The following NF1 variants were observed in gnomAD, a reference collection of about 807,000 sequenced individuals.
The protein encoded by NF1 is neurofibromin.
NF1 carries 122 observed loss-of-function variants against 325.7 expected under a neutral mutation model. The observed-to-expected ratio is 0.37, with a 90% CI of 0.32 to 0.44. The LOEUF is 0.44. Ranked by LOEUF, NF1 falls within the 20% of genes least tolerant of loss-of-function variation. NF1 has a pLI of 1.00. For synonymous variants in NF1, 1,091 were observed against 1,186.0 expected (o/e 0.92, Z 1.65); for missense variants, 2,140 against 3,415.4 (o/e 0.63, Z 9.31).
intron 36 of NF1, among the ~76,000 whole-genome samples, chr17:31,322,356 T>A (rs2069224255): frequency 6.6e-6 from 1 of 151,572 alleles, no homozygotes. Context: ...AGCATGCACC[T>A]GTAGTCCCAC....
chr17:31,252,394 C>T (rs1391171025), intron 30 of NF1: 1 of 197,434 alleles, frequency 5.1e-6, no homozygotes, highest in Non-Finnish European at 1.0e-5. Flanking sequence ...AGAGAGAGGT[C>T]TTTAATTCAG....
chr17:31,331,925 A>T (rs1296598132), intron 39 of NF1: 4 of 145,936 alleles, frequency 2.7e-5, no homozygotes, highest in East Asian at 1.9e-4. Flanking sequence ...AAAAAAAAAA[A>T]AAAAAAAAAA....
intron 1 of NF1, among the ~76,000 whole-genome samples, chr17:31,102,928 C>T (rs555252979): frequency 6.6e-6 from 1 of 152,026 alleles, no homozygotes; most frequent in South Asian, 2.1e-4. Context: ...TCACTGCAAG[C>T]TCCACCTTCT....
intron 51 of NF1, 98 bp downstream of exon 51, chr17:31,352,512 T>G: frequency 8.0e-7 from 1 of 1,256,196 alleles, no homozygotes; most frequent in Non-Finnish European, 1.1e-6. Flanking sequence ...TTATCAAAAT[T>G]TTCCATGTCA....
chr17:31,309,985 C>T (rs1286630074), intron 36 of NF1, among the ~76,000 whole-genome samples: 1 of 152,096 alleles, frequency 6.6e-6, no homozygotes, highest in East Asian at 1.9e-4. Context: ...GATGGCAATT[C>T]AGTGTAGTCC....
rs137921422 is a variant in NF1, at chr17:31,186,250, G to C, written c.888+3585G>C. ...TTCTCTCTCCCCACCTATACTGATAGCCTCATAGGGAGTTCCCTATGATCA... is the reference window on the plus strand; with the variant it reads ...TTCTCTCTCCCCACCTATACTGATACCCTCATAGGGAGTTCCCTATGATCA... On this transcript the variant is annotated intron_variant, in intron 8 of 57. Transcript: ENST00000358273. Among the ~76,000 whole-genome samples, 482 of 152,256 alleles carry C rather than the reference G, an allele frequency of 3.2e-3. 8 individuals carry two copies. The highest frequency in any genetic ancestry group is 0.011 in the African/African-American group (453 of 41,540).
intron 36 of NF1, among the ~76,000 whole-genome samples, chr17:31,281,721 TA>T (rs35154893): frequency 4.2e-4 from 62 of 147,470 alleles, no homozygotes; most frequent in African/African-American, 6.7e-4. Flanking sequence ...TAGGCAAGTT[TA>T]AAAAAAAAAA....
chr17:31,157,399 T>A (rs1392845157), intron 2 of NF1, among the ~76,000 whole-genome samples: 2 of 152,178 alleles, frequency 1.3e-5, no homozygotes, highest in Non-Finnish European at 2.9e-5. Flanking sequence ...GTCCTTAGGT[T>A]TATTAGATAA....
At chr17:31,259,921 C>T (rs1180817449) in intron 33 of NF1, among the ~76,000 whole-genome samples, 3 of 152,128 alleles carry the variant, frequency 2.0e-5, no homozygotes, top group African/African-American at 7.2e-5. Context: ...AGGTATATTG[C>T]TGAATGACAA....
At chr17:31,146,845 G>T (rs552902346) in intron 1 of NF1, among the ~76,000 whole-genome samples, 10 of 152,318 alleles carry the variant, frequency 6.6e-5, no homozygotes, top group African/African-American at 2.4e-4. Context: ...GTCATTTGAT[G>T]TGGGTTATCT....
At chr17:31,130,074 G>GTTTTTT (rs201697638) in intron 1 of NF1, among the ~76,000 whole-genome samples, 20 of 129,342 alleles carry the variant, frequency 1.5e-4, no homozygotes, top group African/African-American at 2.9e-4. Flanking sequence ...TGAAGTCGCT[G>GTTTTTT]TTTTTTTTTG....
At chr17:31,118,333 G>A (rs949471918) in intron 1 of NF1, among the ~76,000 whole-genome samples, 2 of 151,546 alleles carry the variant, frequency 1.3e-5, no homozygotes, top group African/African-American at 4.9e-5. Flanking sequence ...GGATACACGT[G>A]CAGAATGTGC....
intron 29 of NF1, among the ~76,000 whole-genome samples, chr17:31,236,802 A>G (rs778365247): frequency 2.0e-5 from 3 of 152,006 alleles, no homozygotes; most frequent in African/African-American, 4.8e-5. Flanking sequence ...GCTTGTTACC[A>G]GGTACTACCC....
Position 31,357,027 on chromosome 17 carries a change from T to C in NF1, c.7806T>C (p.Asn2602=), listed in dbSNP as rs2070288476. The C allele has an allele frequency of 6.2e-7, 1 of 1,614,024 alleles. No homozygotes were observed. The highest frequency in any genetic ancestry group is 1.1e-5 in the South Asian group (1 of 91,084). The change falls in exon 53 of 58, where the codon AAT becomes AAC. Residue 2602 remains asparagine, a synonymous_variant. Coordinates refer to ENST00000358273, the MANE Select transcript of NF1 (RefSeq NM_001042492.3). ...GTAAAGTTTCAGTGTCTGAATCAAA[T>C]GTTCTCTTGGATGAAGAAGTACTTA... is the stretch of plus-strand genomic sequence containing the variant. ...HLRKVSVSES[N]VLLDEEVLTD...
At chr17:31,372,703 T>C (rs2070667101) in intron 57 of NF1, among the ~76,000 whole-genome samples, 1 of 152,202 alleles carries the variant, frequency 6.6e-6, no homozygotes, top group Non-Finnish European at 1.5e-5. Context: ...TTTCTGAAGT[T>C]ACTGCTTAGA....
chr17:31,300,405 T>A (rs1288829716), intron 36 of NF1, among the ~76,000 whole-genome samples: 1 of 152,128 alleles, frequency 6.6e-6, no homozygotes, highest in Non-Finnish European at 1.5e-5. Context: ...AGGTGACATA[T>A]ATACATACTG....
At chr17:31,357,203 C>T (rs2070293762) in intron 53 of NF1, 66 bp from the exon 54 acceptor site, 2 of 1,592,558 alleles carry the variant, frequency 1.3e-6, no homozygotes, top group Non-Finnish European at 1.7e-6. Context: ...TACTTCTCAC[C>T]CAAACAGATA....
chr17:31,251,051 T>C (rs1449799827), intron 30 of NF1: 2 of 195,368 alleles, frequency 1.0e-5, no homozygotes, highest in Non-Finnish European at 1.1e-5. Flanking sequence ...TAACAGGGAA[T>C]GTTACATTTA....
rs17879935 is a variant in NF1, at chr17:31,182,338, T to TAA, written c.731-169_731-168insAA. On this transcript the variant is annotated intron_variant, in intron 7 of 57. Transcript: ENST00000358273. ...AGCTCTTCTAACACATAGACAGTAT[T>TAA]ACATTGCTTGTCTACTTACCAGAAT... Among the ~76,000 whole-genome samples the TAA allele has an allele frequency of 3.6e-3, 542 of 152,344 alleles. 6 individuals carry two copies. Among genetic ancestry groups the TAA allele is most frequent in the African/African-American group, 0.012 (515 of 41,582 alleles).
Sources: allele counts gnomAD v4.1 joint callset (sites outside exome capture counted in the v4.1 genomes callset), GRCh38; gene constraint gnomAD v4.1.1; transcripts MANE v1.5; gene names NCBI Gene and HGNC (gene_info 2026-07-23, HGNC 2026-07-21).